Variants in ZSCAN25 observed in about 807,000 individuals in gnomAD.
ZSCAN25 encodes the protein zinc finger and SCAN domain-containing protein 25.
In ZSCAN25, 27 loss-of-function variants were observed where a neutral mutation model predicts 38.7. The ratio of observed to expected loss-of-function variants is 0.70; its 90% CI spans 0.51 to 0.96. ZSCAN25 has a LOEUF of 0.96. Among genes scored for constraint, ZSCAN25 ranks in the 40% least tolerant of loss-of-function variants. The probability of loss-of-function intolerance (pLI) is 0.00; values close to 1 mark genes in which losing one functional copy is unlikely to be tolerated. For synonymous variants in ZSCAN25, 273 were observed against 277.7 expected (o/e 0.98, Z 0.17); for missense variants, 637 against 705.9 (o/e 0.90, Z 1.11).
At chr7:99,618,476 T>C (rs781181194) in intron 1 of ZSCAN25, 49 bp from the exon 2 acceptor site, 7 of 152,230 alleles carry the variant, frequency 4.6e-5, no homozygotes, top group Non-Finnish European at 1.0e-4. Context: ...TAGAAATCTT[T>C]AGGTCATTTG....
At chr7:99,652,020 A>G in the ZSCAN25 span, among the ~76,000 whole-genome samples, 2 of 152,168 alleles carry the variant, frequency 1.3e-5, no homozygotes, top group Non-Finnish European at 2.9e-5. Context: ...GTTGAAAGCA[A>G]ATGGAATGTG....
At chr7:99,716,413 C>T in the ZSCAN25 span, among the ~76,000 whole-genome samples, 1 of 152,188 alleles carries the variant, frequency 6.6e-6, no homozygotes, top group Non-Finnish European at 1.5e-5. Context: ...CTCTATACTC[C>T]CTGCTCAAGC....
chr7:99,686,211 G>C, the ZSCAN25 span, among the ~76,000 whole-genome samples: 2 of 152,234 alleles, frequency 1.3e-5, no homozygotes, highest in Non-Finnish European at 2.9e-5. Flanking sequence ...GCGAGGCATT[G>C]CCTCACTTGA....
chr7:99,621,162 G>A (rs1806922031), intron 4 of ZSCAN25: 1 of 389,282 alleles, frequency 2.6e-6, no homozygotes, highest in African/African-American at 2.1e-5. Flanking sequence ...GGCGTGGACA[G>A]ATAAAAGTTG....
the ZSCAN25 span, among the ~76,000 whole-genome samples, chr7:99,658,220 C>G: frequency 2.4e-4 from 37 of 152,204 alleles, no homozygotes; most frequent in Non-Finnish European, 3.8e-4. Flanking sequence ...TGGCTGGTAC[C>G]AGTTGTTCCT....
In ZSCAN25 at chr7:99,632,283, A is replaced by G. The variant is rs1808062707; in HGVS notation, c.*2263A>G. On this transcript the variant is annotated 3_prime_UTR_variant, in exon 8 of 8. Coordinates refer to ENST00000394152, the MANE Select transcript of ZSCAN25 (RefSeq NM_145115.3). ...TTTCATATCTATTCAAATGTTAAGA[A>G]ATATTTTGTTTTCTGTATTTTTCTA... 3.7e-5 allele frequency: 36 copies of G among 978,428 alleles called. No individual in the cohort carries two copies. The highest frequency in any genetic ancestry group is 4.1e-5 in the Non-Finnish European group (34 of 823,652). The allele number at this position is 978,428 out of a possible 1,614,324, so 60.6% of individuals were successfully genotyped here.
chr7:99,724,931 G>A, the ZSCAN25 span, among the ~76,000 whole-genome samples: 1 of 152,090 alleles, frequency 6.6e-6, no homozygotes, highest in Non-Finnish European at 1.5e-5. Context: ...AGATGAGCAG[G>A]AAAGAGTTGA....
chr7:99,710,107 AAAG>A, the ZSCAN25 span, among the ~76,000 whole-genome samples: 1 of 152,226 alleles, frequency 6.6e-6, no homozygotes, highest in South Asian at 2.1e-4. Flanking sequence ...ACTGCCACAC[AAAG>A]ACCAGCCCAA....
At chr7:99,659,779 C>T in the ZSCAN25 span, 4 of 153,576 alleles carry the variant, frequency 2.6e-5, no homozygotes, top group Non-Finnish European at 4.3e-5. Context: ...CAATGGCGGG[C>T]GCCCCTCCCC....
At chr7:99,655,243 A>G in the ZSCAN25 span, among the ~76,000 whole-genome samples, 3 of 152,144 alleles carry the variant, frequency 2.0e-5, no homozygotes, top group Non-Finnish European at 4.4e-5. Context: ...TCCATCTTGA[A>G]TTAATTTTTG....
the ZSCAN25 span, among the ~76,000 whole-genome samples, chr7:99,691,195 A>G: frequency 6.6e-6 from 1 of 152,160 alleles, no homozygotes; most frequent in African/African-American, 2.4e-5. Context: ...TCGCAAGGAC[A>G]AAAAACCAAA....
At chr7:99,652,342 T>A in the ZSCAN25 span, 232 of 407,150 alleles carry the variant, frequency 5.7e-4, no homozygotes, top group Non-Finnish European at 9.2e-4. Context: ...TAATTGATTA[T>A]CTTTGTCTTG....
At chr7:99,620,138 G>C in intron 4 of ZSCAN25, 145 bp downstream of exon 4, 27 of 1,224,478 alleles carry the variant, frequency 2.2e-5, no homozygotes, top group Non-Finnish European at 2.6e-5. Context: ...TCTTTTTGGA[G>C]AGCAGTGGCG....
At chr7:99,618,399 GAAGTGTTTT>G (rs1367982524) in intron 1 of ZSCAN25, 117 bp from the exon 2 acceptor site, 4 of 152,108 alleles carry the variant, frequency 2.6e-5, no homozygotes, top group Non-Finnish European at 5.9e-5. Flanking sequence ...TCATCCTACA[GAAGTGTTTT>G]AAGTATTAGA....
the ZSCAN25 span, among the ~76,000 whole-genome samples, chr7:99,673,860 C>A: frequency 6.6e-6 from 1 of 152,176 alleles, no homozygotes; most frequent in East Asian, 1.9e-4. Flanking sequence ...AGTCCCTGGG[C>A]CACCAAAACC....
chr7:99,669,932 G>A, the ZSCAN25 span, among the ~76,000 whole-genome samples: 1 of 152,150 alleles, frequency 6.6e-6, no homozygotes, highest in East Asian at 1.9e-4. Flanking sequence ...ACTCACATTT[G>A]ATGAAGTATT....
At chr7:99,672,698 G>A in the ZSCAN25 span, 1 of 1,613,498 alleles carries the variant, frequency 6.2e-7, no homozygotes, top group South Asian at 1.1e-5. Flanking sequence ...GGACAACGGA[G>A]CTGATTAAAC....
At position 99,621,502 on chromosome 7, in the gene ZSCAN25, G is replaced by C; in HGVS notation, c.517G>C (p.Gly173Arg). 6.3e-7 allele frequency: 1 copy of C among 1,575,918 alleles called. No individual in the cohort carries two copies. The highest frequency in any genetic ancestry group is 8.6e-7 in the Non-Finnish European group (1 of 1,156,106). ...WGMPPGEGVQ[G>R]PDPGTEEQLS... Reference sequence around the variant, plus strand: ...GATGCCCCCTGGGGAAGGAGTTCAAGGTCCAGACCCAGGTACCGAGGAGCA... The same window carrying C: ...GATGCCCCCTGGGGAAGGAGTTCAACGTCCAGACCCAGGTACCGAGGAGCA... Residue 173 changes from glycine to arginine, a missense_variant, in exon 5 of 8, where the codon GGT becomes CGT. Gly to Arg is a moderately radical substitution (Grantham distance 125). Transcript: ENST00000394152.
chr7:99,638,107 C>G, the ZSCAN25 span: 7,540 of 896,652 alleles, frequency 8.4e-3, 331 homozygotes, highest in African/African-American at 0.1. Flanking sequence ...CCCTCTCCCC[C>G]CAAACTGTAG....
Sources: allele counts gnomAD v4.1 joint callset (sites outside exome capture counted in the v4.1 genomes callset), GRCh38; gene constraint gnomAD v4.1.1; transcripts MANE v1.5; gene names NCBI Gene and HGNC (gene_info 2026-07-23, HGNC 2026-07-21).